EML4: variants seen among roughly 807,000 people sequenced by gnomAD.
EML4 encodes echinoderm microtubule-associated protein-like 4.
EML4 carries 72 observed loss-of-function variants against 129.0 expected under a neutral mutation model. That is an observed-to-expected ratio of 0.56 (90% CI 0.46 to 0.68). The LOEUF (loss-of-function observed/expected upper bound fraction) is 0.68, where lower values mean the gene tolerates loss of function less well. EML4 is among the 30% of genes least tolerant of loss of function. The pLI is 0.00. For missense variants in EML4, 1,363 were observed against 1,190.6 expected (o/e 1.14, Z -2.13); for synonymous variants, 532 against 405.0 (o/e 1.31, Z -3.77).
chr2:42,180,611 A>G (rs948109972), intron 1 of EML4, among the ~76,000 whole-genome samples: 2 of 152,160 alleles, frequency 1.3e-5, no homozygotes, highest in Non-Finnish European at 2.9e-5. Flanking sequence ...TCTTTACACT[A>G]TAACAATTTG....
intron 1 of EML4, among the ~76,000 whole-genome samples, chr2:42,172,918 T>A (rs1303522158): frequency 6.6e-6 from 1 of 152,210 alleles, no homozygotes; most frequent in African/African-American, 2.4e-5. Flanking sequence ...GGAATTAACC[T>A]AGAGATTAGT....
In EML4 at chr2:42,330,242, T is replaced by C. The variant is rs1278238119; in HGVS notation, c.*35T>C. ...TTCAGTGCAACTCTTTTCCTTCAGC[T>C]GCATGTGATTTTGTGATAAAGTTCA... On this transcript the variant is annotated 3_prime_UTR_variant, in exon 23 of 23. Transcript: ENST00000318522. 1.9e-6 allele frequency: 3 copies of C among 1,578,310 alleles called. No homozygotes were observed. The highest frequency in any genetic ancestry group is 1.7e-5 in the Admixed American group (1 of 59,622).
At chr2:42,256,717 G>C (rs1471648253) in intron 3 of EML4, 87 bp downstream of exon 3, 1 of 1,498,586 alleles carries the variant, frequency 6.7e-7, no homozygotes, top group African/African-American at 1.4e-5. Context: ...ATATGAAATA[G>C]AGCTGTTTGA....
rs116108585 is a variant in EML4, at chr2:42,182,802, A to G, written c.25+13166A>G. Among the ~76,000 whole-genome samples, 935 of 152,230 alleles carry G rather than the reference A, an allele frequency of 6.1e-3. 5 individuals are homozygous for G. Among genetic ancestry groups the G allele is most frequent in the African/African-American group, 0.021 (864 of 41,534 alleles). ...TCTGGAAGCTAGAGGTCAGAAATCA[A>G]TGTTTCATCAGGTTTGATTTCTTAC... On this transcript the variant is annotated intron_variant, in intron 1 of 22. Transcript: ENST00000318522.
At chr2:42,189,398 G>A (rs943105079) in intron 1 of EML4, among the ~76,000 whole-genome samples, 5 of 152,122 alleles carry the variant, frequency 3.3e-5, no homozygotes, top group African/African-American at 1.2e-4. Flanking sequence ...GGGCTACATA[G>A]CAAGACCATG....
intron 1 of EML4, among the ~76,000 whole-genome samples, chr2:42,192,246 G>GT (rs1194593849): frequency 2.0e-5 from 3 of 147,942 alleles, no homozygotes; most frequent in African/African-American, 7.5e-5. Flanking sequence ...TTTTTTTTGG[G>GT]GGGGGGAGGT....
intron 9 of EML4, 47 bp from the exon 10 acceptor site, chr2:42,286,210 CTATTGGTGTTTA>C (rs1422279282): frequency 2.2e-6 from 2 of 914,320 alleles, no homozygotes; most frequent in Admixed American, 3.4e-5. Flanking sequence ...GTTCTGTGTG[CTATTGGTGTTTA>C]TTTGCATCCA....
chr2:42,266,531 A>G (rs1294379306), intron 6 of EML4, among the ~76,000 whole-genome samples: 1 of 151,898 alleles, frequency 6.6e-6, no homozygotes, highest in Non-Finnish European at 1.5e-5. Context: ...TATCATAGAG[A>G]TGGGGTCTCA....
At chr2:42,303,285 C>A (rs774589539) in intron 15 of EML4, 30 bp from the exon 16 acceptor site, 178 of 1,613,770 alleles carry the variant, frequency 1.1e-4, no homozygotes, top group Non-Finnish European at 1.5e-4. Flanking sequence ...TTCTTTGGTT[C>A]TTATAACAAT....
chr2:42,260,199 G>C (rs1050044465), intron 3 of EML4, among the ~76,000 whole-genome samples: 6 of 151,694 alleles, frequency 4.0e-5, no homozygotes, highest in Non-Finnish European at 5.9e-5. Context: ...ATGGAGTCTC[G>C]CACTGTCATC....
chr2:42,218,148 C>A (rs760183788), intron 1 of EML4, among the ~76,000 whole-genome samples: 1 of 152,140 alleles, frequency 6.6e-6, no homozygotes, highest in South Asian at 2.1e-4. Context: ...TTACCACCTA[C>A]GCTTTGCCTT....
chr2:42,237,705 C>G (rs967079872), intron 1 of EML4, among the ~76,000 whole-genome samples: 1 of 152,112 alleles, frequency 6.6e-6, no homozygotes, highest in Admixed American at 6.6e-5. Context: ...ATATGCTGTA[C>G]TCTTATAATA....
At chr2:42,245,403 T>C (rs1376555251) in intron 1 of EML4, 102 bp from the exon 2 acceptor site, 1 of 1,163,694 alleles carries the variant, frequency 8.6e-7, no homozygotes, top group Non-Finnish European at 1.2e-6. Flanking sequence ...GCCAGAATTT[T>C]TCTCATCTTT....
Position 42,246,902 on chromosome 2 carries a change from T to A in EML4, c.208+1215T>A, listed in dbSNP as rs189910250. Among the ~76,000 whole-genome samples, 139 of 152,248 alleles carry A rather than the reference T, an allele frequency of 9.1e-4. 2 individuals are homozygous for A. In the East Asian group the frequency reaches 0.014, roughly 15 times the overall value. ...ATATTAGAAACCTCTCCAAAAGCAA[T>A]TTTAGTGGAGTAATAGAACTGCAAA... is the stretch of plus-strand genomic sequence containing the variant. On this transcript the variant is annotated intron_variant, in intron 2 of 22. Transcript: ENST00000318522.
At chr2:42,269,882 A>G (rs555561676) in intron 6 of EML4, among the ~76,000 whole-genome samples, 4 of 152,286 alleles carry the variant, frequency 2.6e-5, no homozygotes, top group Admixed American at 2.0e-4. Flanking sequence ...AGGAAAGGGA[A>G]GCAAAGTGAT....
intron 1 of EML4, among the ~76,000 whole-genome samples, chr2:42,236,051 C>G (rs1674655188): frequency 6.6e-6 from 1 of 152,138 alleles, no homozygotes; most frequent in African/African-American, 2.4e-5. Context: ...GTGTGAGTGT[C>G]TCACTGTCCT....
chr2:42,299,662 T>G (rs555552348), intron 13 of EML4, among the ~76,000 whole-genome samples: 7 of 152,178 alleles, frequency 4.6e-5, no homozygotes, highest in Admixed American at 2.0e-4. Flanking sequence ...ATGACTTGCT[T>G]CTTTCACTTA....
Position 42,273,019 on chromosome 2 carries a change from TC to T in EML4, c.668-7828del, listed in dbSNP as rs1470486883. Among the ~76,000 whole-genome samples the T allele has an allele frequency of 3.9e-5, 6 of 152,312 alleles. No homozygotes were observed. The South Asian group carries it at 1.2e-3, about 32-fold the overall frequency. On this transcript the variant is annotated intron_variant, in intron 6 of 22. Transcript: ENST00000318522. Reference sequence around the variant, plus strand: ...GTTCTGCTGAGGCCTCCTGATTGCCTCCCTGCTATAGTTAATTGAGAAAGCA... The same window carrying T: ...GTTCTGCTGAGGCCTCCTGATTGCCTCCTGCTATAGTTAATTGAGAAAGCA...
intron 1 of EML4, among the ~76,000 whole-genome samples, chr2:42,233,045 A>G (rs1674446595): frequency 6.6e-6 from 1 of 151,920 alleles, no homozygotes; most frequent in South Asian, 2.1e-4. Context: ...TGTAAGTATT[A>G]ATCTGGATCA....
Sources: allele counts gnomAD v4.1 joint callset (sites outside exome capture counted in the v4.1 genomes callset), GRCh38; gene constraint gnomAD v4.1.1; transcripts MANE v1.5; gene names NCBI Gene and HGNC (gene_info 2026-07-23, HGNC 2026-07-21).